Variants in TAS2R1 observed in about 807,000 individuals in gnomAD.
TAS2R1 encodes the protein taste 2 receptor member 1.
For missense variants in TAS2R1, 370 were observed against 353.4 expected (o/e 1.05, Z -0.38); for synonymous variants, 141 against 134.2 (o/e 1.05, Z -0.35).
At chr5:9,649,120 T>C (rs917806353) in intron 2 of TAS2R1, among the ~76,000 whole-genome samples, 12 of 152,218 alleles carry the variant, frequency 7.9e-5, no homozygotes, top group Non-Finnish European at 1.6e-4. Context: ...ACTTCGTTTA[T>C]CAAATGTCCT....
the TAS2R1 span, among the ~76,000 whole-genome samples, chr5:9,737,180 C>A: frequency 6.6e-6 from 1 of 152,174 alleles, no homozygotes; most frequent in Non-Finnish European, 1.5e-5. Flanking sequence ...TGGTCTTCAT[C>A]CTGCCCCATT....
the TAS2R1 span, among the ~76,000 whole-genome samples, chr5:9,759,421 T>C: frequency 6.6e-6 from 1 of 152,218 alleles, no homozygotes; most frequent in African/African-American, 2.4e-5. Flanking sequence ...AACAGATCAG[T>C]GCATTATACC....
intron 1 of TAS2R1, among the ~76,000 whole-genome samples, chr5:9,702,550 A>G (rs1430688108): frequency 6.6e-6 from 1 of 152,244 alleles, no homozygotes; most frequent in Non-Finnish European, 1.5e-5. Context: ...GGAAATGATT[A>G]GAAACCCACC....
chr5:9,657,961 G>T (rs1353037295), intron 2 of TAS2R1, among the ~76,000 whole-genome samples: 1 of 152,150 alleles, frequency 6.6e-6, no homozygotes, highest in Non-Finnish European at 1.5e-5. Context: ...GAGTCACACA[G>T]ACTTGACTTG....
chr5:9,714,827 G>T (rs1734771478), upstream of TAS2R1, among the ~76,000 whole-genome samples: 1 of 152,210 alleles, frequency 6.6e-6, no homozygotes, highest in African/African-American at 2.4e-5. Context: ...AGAACTCTGT[G>T]TCTAGCATGA....
upstream of TAS2R1, among the ~76,000 whole-genome samples, chr5:9,633,299 TATA>T (rs1739907397): frequency 8.9e-6 from 1 of 112,950 alleles, no homozygotes; most frequent in African/African-American, 4.2e-5. Flanking sequence ...GTATATTATA[TATA>T]TATATATATA....
At chr5:9,638,686 A>G (rs1740015117) in intron 2 of TAS2R1, among the ~76,000 whole-genome samples, 2 of 152,190 alleles carry the variant, frequency 1.3e-5, no homozygotes, top group South Asian at 2.1e-4. Flanking sequence ...AAAGCTCCCA[A>G]GAATTTCTAT....
chr5:9,727,437 G>C, the TAS2R1 span, among the ~76,000 whole-genome samples: 1 of 152,178 alleles, frequency 6.6e-6, no homozygotes, highest in African/African-American at 2.4e-5. Flanking sequence ...CAAGAGAGTA[G>C]ACTTCATCAA....
the TAS2R1 span, among the ~76,000 whole-genome samples, chr5:9,870,497 A>G: frequency 3.9e-5 from 6 of 152,098 alleles, no homozygotes; most frequent in African/African-American, 1.4e-4. Context: ...CTCCCTGTCT[A>G]TATCCTTTGA....
At chr5:9,750,258 G>A in the TAS2R1 span, among the ~76,000 whole-genome samples, 1 of 152,068 alleles carries the variant, frequency 6.6e-6, no homozygotes, top group Non-Finnish European at 1.5e-5. Flanking sequence ...TCTTGTACTT[G>A]CTCCCTTCCC....
chr5:9,834,821 G>T, the TAS2R1 span, among the ~76,000 whole-genome samples: 5 of 151,158 alleles, frequency 3.3e-5, no homozygotes, highest in South Asian at 8.4e-4. Context: ...GAGTTCTTAC[G>T]GGGAGAAGCA....
At chr5:9,824,577 T>C in the TAS2R1 span, among the ~76,000 whole-genome samples, 1 of 152,194 alleles carries the variant, frequency 6.6e-6, no homozygotes, top group African/African-American at 2.4e-5. Flanking sequence ...CTCACTGCAG[T>C]GGCTCATGCC....
At chr5:9,665,209 T>C (rs1740608077) in intron 1 of TAS2R1, among the ~76,000 whole-genome samples, 1 of 152,204 alleles carries the variant, frequency 6.6e-6, no homozygotes, top group Non-Finnish European at 1.5e-5. Context: ...GAGCAAGCCA[T>C]GACATATCAA....
At chr5:9,652,110 T>C (rs1436583189) in intron 2 of TAS2R1, among the ~76,000 whole-genome samples, 2 of 152,220 alleles carry the variant, frequency 1.3e-5, no homozygotes, top group East Asian at 3.8e-4. Context: ...CATATTATCA[T>C]GTTAGGAGAT....
chr5:9,886,150 AC>A, the TAS2R1 span, among the ~76,000 whole-genome samples: 1 of 151,014 alleles, frequency 6.6e-6, no homozygotes. Flanking sequence ...TCCTGCCTTA[AC>A]CTCCCAAGTA....
At chr5:9,784,021 T>G in the TAS2R1 span, among the ~76,000 whole-genome samples, 116 of 152,322 alleles carry the variant, frequency 7.6e-4, no homozygotes, top group African/African-American at 2.7e-3. Flanking sequence ...TTTTCCACAG[T>G]AAAATAAGTA....
the TAS2R1 span, among the ~76,000 whole-genome samples, chr5:9,892,738 G>C: frequency 2.0e-5 from 3 of 152,062 alleles, no homozygotes; most frequent in Admixed American, 2.0e-4. Flanking sequence ...CTTTCCATTG[G>C]AACTTCCCCT....
chr5:9,708,828 T>A (rs946659769), intron 1 of TAS2R1, among the ~76,000 whole-genome samples: 1 of 151,962 alleles, frequency 6.6e-6, no homozygotes, highest in African/African-American at 2.4e-5. Context: ...AGTTCTAGGG[T>A]TGATTGGTGG....
intron 1 of TAS2R1, among the ~76,000 whole-genome samples, chr5:9,682,620 A>G (rs567148975): frequency 3.3e-5 from 5 of 152,158 alleles, no homozygotes; most frequent in Non-Finnish European, 7.3e-5. Flanking sequence ...GAAATACAAC[A>G]CAAGAACTAT....
Sources: allele counts gnomAD v4.1 joint callset (sites outside exome capture counted in the v4.1 genomes callset), GRCh38; gene constraint gnomAD v4.1.1; transcripts MANE v1.5; gene names NCBI Gene and HGNC (gene_info 2026-07-23, HGNC 2026-07-21).